Variants in PTPN2 observed in about 807,000 individuals in gnomAD.
PTPN2 encodes protein tyrosine phosphatase non-receptor type 2, also known as tyrosine-protein phosphatase non-receptor type 2.
Under a neutral mutation model 57.3 loss-of-function variants are expected in PTPN2, and 19 were observed. The ratio of observed to expected loss-of-function variants is 0.33; its 90% CI spans 0.23 to 0.49. The LOEUF (loss-of-function observed/expected upper bound fraction) is 0.49, where lower values mean the gene tolerates loss of function less well. Among genes scored for constraint, PTPN2 ranks in the 20% least tolerant of loss-of-function variants. PTPN2 has a pLI of 0.99. For missense variants in PTPN2, 358 were observed against 501.1 expected (o/e 0.71, Z 2.73); for synonymous variants, 153 against 164.9 (o/e 0.93, Z 0.55).
Position 12,870,443 on chromosome 18 carries a change from A to G in PTPN2, c.70-11189T>C, listed in dbSNP as rs1437263041. ...TATATATACGTATATATATATGTGT[A>G]TATATATATATATATATATAGAGAG... On this transcript the variant is annotated intron_variant, in intron 1 of 8. Coordinates refer to ENST00000309660, the MANE Select transcript of PTPN2 (RefSeq NM_002828.4). Among the ~76,000 whole-genome samples, 119 of 24,416 alleles carry G rather than the reference A, an allele frequency of 4.9e-3. 11 individuals are homozygous for G. The highest frequency in any genetic ancestry group is 0.024 in the African/African-American group (66 of 2,772). 16.0% of individuals were successfully genotyped at this position (24,416 alleles called of 152,430 possible).
chr18:12,807,626 T>TAA (rs201457577), intron 7 of PTPN2, among the ~76,000 whole-genome samples: 4 of 105,428 alleles, frequency 3.8e-5, no homozygotes, highest in African/African-American at 9.9e-5. Flanking sequence ...ATTTGGCCAT[T>TAA]AAAAAAAAAA....
At chr18:12,831,853 T>A (rs1383313879) in intron 3 of PTPN2, among the ~76,000 whole-genome samples, 1 of 152,214 alleles carries the variant, frequency 6.6e-6, no homozygotes, top group African/African-American at 2.4e-5. Flanking sequence ...GTATTTCCAA[T>A]TGCTTTCACA....
At chr18:12,854,968 T>C (rs1019614105) in intron 2 of PTPN2, among the ~76,000 whole-genome samples, 2 of 152,118 alleles carry the variant, frequency 1.3e-5, no homozygotes, top group Non-Finnish European at 2.9e-5. Context: ...CCAGCCAACA[T>C]GGTGAAACCC....
intron 2 of PTPN2, among the ~76,000 whole-genome samples, chr18:12,858,287 CTA>C (rs1568154542): frequency 6.6e-6 from 1 of 152,122 alleles, no homozygotes; most frequent in African/African-American, 2.4e-5. Flanking sequence ...AAGAGAAAAC[CTA>C]TGTTTAGCCC....
At chr18:12,815,153 C>T (rs565860245) in intron 6 of PTPN2, among the ~76,000 whole-genome samples, 2 of 151,326 alleles carry the variant, frequency 1.3e-5, no homozygotes, top group Admixed American at 6.6e-5. Flanking sequence ...GTGGGTCACA[C>T]CTGTAATCCC....
At chr18:12,808,238 C>T (rs1241191663) in intron 7 of PTPN2, among the ~76,000 whole-genome samples, 1 of 152,002 alleles carries the variant, frequency 6.6e-6, no homozygotes, top group Admixed American at 6.6e-5. Flanking sequence ...ATCCTCTCTT[C>T]TGGCTATTTC....
At chr18:12,874,611 GCCGC>G in intron 1 of PTPN2, among the ~76,000 whole-genome samples, 1 of 137,116 alleles carries the variant, frequency 7.3e-6, no homozygotes. Context: ...CGCCCGGCCA[GCCGC>G]CCCGTCCGGG....
At chr18:12,799,350 G>GAGGTTGCA (rs2041318240) in intron 8 of PTPN2, among the ~76,000 whole-genome samples, 1 of 151,844 alleles carries the variant, frequency 6.6e-6, no homozygotes, top group Non-Finnish European at 1.5e-5. Flanking sequence ...CCGGGAGGTG[G>GAGGTTGCA]AGGTTGCAGT....
chr18:12,794,023 T>A lies in PTPN2; in HGVS notation c.*255A>T. ...CTGTGTTTGACATGTATGAATACAG[T>A]TGCAAAATTTACCAGTTTTTAACAA... On this transcript the variant is annotated 3_prime_UTR_variant, in exon 9 of 9. Coordinates refer to ENST00000309660, the MANE Select transcript of PTPN2 (RefSeq NM_002828.4). The A allele has an allele frequency of 7.3e-7, 1 of 1,363,552 alleles. No homozygotes were observed. Among genetic ancestry groups the A allele is most frequent in the Non-Finnish European group, 9.4e-7 (1 of 1,059,754 alleles). The allele number at this position is 1,363,552 out of a possible 1,614,324, so 84.5% of individuals were successfully genotyped here.
chr18:12,808,871 A>G (rs1412142279), intron 7 of PTPN2, among the ~76,000 whole-genome samples: 1 of 152,198 alleles, frequency 6.6e-6, no homozygotes, highest in Non-Finnish European at 1.5e-5. Flanking sequence ...ATTTCAGCCA[A>G]GGTAGATTTT....
chr18:12,863,551 T>TTG (rs1491255720), intron 1 of PTPN2: 15 of 113,958 alleles, frequency 1.3e-4, no homozygotes, highest in African/African-American at 4.9e-4. Flanking sequence ...TAATTTTTTT[T>TTG]GGGGGGGGGG....
At chr18:12,846,728 A>T (rs893466643) in intron 2 of PTPN2, among the ~76,000 whole-genome samples, 6 of 152,254 alleles carry the variant, frequency 3.9e-5, no homozygotes, top group African/African-American at 1.4e-4. Context: ...CTCATCAGCT[A>T]TCGCTGCTCT....
intron 8 of PTPN2, among the ~76,000 whole-genome samples, chr18:12,796,331 TAA>T (rs1426470030): frequency 2.6e-5 from 4 of 152,318 alleles, no homozygotes; most frequent in South Asian, 2.1e-4. Flanking sequence ...GTAAATATAT[TAA>T]AAGTCACTGA....
chr18:12,790,922 G>A (rs1232317042), downstream of PTPN2, among the ~76,000 whole-genome samples: 1 of 152,012 alleles, frequency 6.6e-6, no homozygotes, highest in African/African-American at 2.4e-5. Context: ...AATGGACTAA[G>A]AACATAAAAG....
intron 6 of PTPN2, among the ~76,000 whole-genome samples, chr18:12,815,033 C>T (rs2042018869): frequency 1.4e-5 from 2 of 147,350 alleles, no homozygotes; most frequent in African/African-American, 5.0e-5. Flanking sequence ...GCAGTGAGGT[C>T]AGATAGTGCC....
At chr18:12,805,543 A>G (rs2041614406) in intron 7 of PTPN2, among the ~76,000 whole-genome samples, 1 of 152,116 alleles carries the variant, frequency 6.6e-6, no homozygotes, top group Admixed American at 6.5e-5. Context: ...ACACAAAGCC[A>G]CGTTATGACA....
At chr18:12,833,838 T>C (rs980591975) in intron 3 of PTPN2, among the ~76,000 whole-genome samples, 13 of 151,866 alleles carry the variant, frequency 8.6e-5, no homozygotes, top group African/African-American at 2.4e-4. Flanking sequence ...ATGAGAAAAA[T>C]AGGAAGGCAG....
At chr18:12,883,652 T>G (rs2044744295) in intron 1 of PTPN2, 1 of 156,596 alleles carries the variant, frequency 6.4e-6, no homozygotes, top group African/African-American at 2.4e-5. Context: ...GAAAGAGCTG[T>G]CCGCGAGCAA....
intron 2 of PTPN2, among the ~76,000 whole-genome samples, chr18:12,852,032 C>T (rs982293315): frequency 6.6e-6 from 1 of 151,956 alleles, no homozygotes; most frequent in Non-Finnish European, 1.5e-5. Flanking sequence ...TGCTGGCTGC[C>T]AGGGGCTGGG....
Sources: allele counts gnomAD v4.1 joint callset (sites outside exome capture counted in the v4.1 genomes callset), GRCh38; gene constraint gnomAD v4.1.1; transcripts MANE v1.5; gene names NCBI Gene and HGNC (gene_info 2026-07-23, HGNC 2026-07-21).